Variants in APAF1 observed in about 807,000 individuals in gnomAD.
APAF1 encodes apoptotic peptidase activating factor 1, also known as apoptotic protease-activating factor 1.
Under a neutral mutation model 152.4 loss-of-function variants are expected in APAF1, and 91 were observed. The observed-to-expected ratio is 0.60, with a 90% CI of 0.50 to 0.71. The LOEUF (loss-of-function observed/expected upper bound fraction) is 0.71, where lower values mean the gene tolerates loss of function less well. APAF1 is among the 30% of genes least tolerant of loss of function. The pLI is 0.00. For synonymous variants in APAF1, 484 were observed against 494.1 expected, an observed-to-expected ratio of 0.98 and a Z score of 0.27; for missense variants, 1,283 against 1,472.0, an observed-to-expected ratio of 0.87 and a Z score of 2.10.
rs138584854 is a variant in APAF1, at chr12:98,657,428, G to C, written c.527-1732G>C. ...GTGGAATAGGTATTTGCTCCTCAAGGCTTCATCCAGACCATTGCTTACGTC... is the reference window on the plus strand; with the variant it reads ...GTGGAATAGGTATTTGCTCCTCAAGCCTTCATCCAGACCATTGCTTACGTC... On this transcript the variant is annotated intron_variant, in intron 4 of 26. Transcript: ENST00000551964. Among the ~76,000 whole-genome samples the C allele has an allele frequency of 1.3e-3, 203 of 152,282 alleles. 3 individuals are homozygous for C. The highest frequency in any genetic ancestry group is 4.6e-3 in the African/African-American group (193 of 41,554).
intron 21 of APAF1, among the ~76,000 whole-genome samples, 184 bp from the exon 22 acceptor site, chr12:98,715,235 CATATATAT>C (rs61430351): frequency 0.031 from 1,675 of 54,642 alleles, 56 homozygotes; most frequent in Admixed American, 0.11. Flanking sequence ...ACATGGTGTG[CATATATAT>C]ATATATATAT....
At chr12:98,658,862 T>C (rs780035318) in intron 4 of APAF1, among the ~76,000 whole-genome samples, 4 of 152,208 alleles carry the variant, frequency 2.6e-5, no homozygotes, top group Non-Finnish European at 5.9e-5. Flanking sequence ...TTAGAAACTG[T>C]GCTGTGCAGT....
intron 13 of APAF1, among the ~76,000 whole-genome samples, chr12:98,678,214 T>A (rs1271419381): frequency 1.3e-5 from 2 of 152,250 alleles, no homozygotes. Context: ...GCATATTAAA[T>A]GAAATGTTTT....
intron 4 of APAF1, among the ~76,000 whole-genome samples, chr12:98,655,497 C>T (rs943740316): frequency 1.3e-5 from 2 of 152,250 alleles, no homozygotes; most frequent in African/African-American, 4.8e-5. Context: ...GGCGGCTGGC[C>T]GGGCAGAGGG....
chr12:98,656,054 A>G (rs1371085510), intron 4 of APAF1, among the ~76,000 whole-genome samples: 1 of 152,100 alleles, frequency 6.6e-6, no homozygotes, highest in African/African-American at 2.4e-5. Context: ...AAGTGCTGGG[A>G]TTACAGGCAT....
chr12:98,721,968 T>C (rs1164715397), intron 22 of APAF1, among the ~76,000 whole-genome samples: 3 of 152,244 alleles, frequency 2.0e-5, no homozygotes, highest in Non-Finnish European at 4.4e-5. Flanking sequence ...CTTTTTATTC[T>C]TTTGGAGCTG....
At chr12:98,651,886 C>A (rs1047320452) in intron 4 of APAF1, among the ~76,000 whole-genome samples, 2 of 152,142 alleles carry the variant, frequency 1.3e-5, no homozygotes, top group South Asian at 4.1e-4. Context: ...ACAATCTTGG[C>A]TCCCTGCAAC....
At chr12:98,654,849 A>G (rs1031763244) in intron 4 of APAF1, among the ~76,000 whole-genome samples, 1 of 53,620 alleles carries the variant, frequency 1.9e-5, no homozygotes, top group Non-Finnish European at 3.9e-5. Context: ...TTATTTTTTT[A>G]TTGATAATTC....
chr12:98,666,365 C>G lies in APAF1; in HGVS notation c.1362+8C>G, dbSNP rs201963658. ...AATTGCAGCCAGCTTCAGGTACTTGCATCTTGGTTTACTTTTTTTTTTCCT... is the reference window on the plus strand; with the variant it reads ...AATTGCAGCCAGCTTCAGGTACTTGGATCTTGGTTTACTTTTTTTTTTCCT... On this transcript the variant is annotated splice_region_variant and intron_variant, in intron 9 of 26. Transcript: ENST00000551964. 5 of 1,607,210 alleles carry G rather than the reference C, an allele frequency of 3.1e-6. No homozygotes were observed. The highest frequency in any genetic ancestry group is 4.2e-6 in the Non-Finnish European group (5 of 1,177,840).
intron 25 of APAF1, 148 bp downstream of exon 25, chr12:98,725,688 G>A: frequency 9.3e-7 from 1 of 1,077,382 alleles, no homozygotes; most frequent in Non-Finnish European, 1.4e-6. Flanking sequence ...TGTGCACATT[G>A]TATTCACAGC....
At chr12:98,658,794 C>A (rs1056335607) in intron 4 of APAF1, among the ~76,000 whole-genome samples, 3 of 152,158 alleles carry the variant, frequency 2.0e-5, no homozygotes, top group African/African-American at 7.2e-5. Flanking sequence ...TCCTATAATG[C>A]ATAGGACAGT....
At chr12:98,662,434 T>A (rs2097666740) in intron 5 of APAF1, 22 bp from the exon 6 acceptor site, 1 of 1,519,336 alleles carries the variant, frequency 6.6e-7, no homozygotes, top group Non-Finnish European at 9.1e-7. Context: ...CATTAGTGAT[T>A]AATATTTTTT....
intron 22 of APAF1, among the ~76,000 whole-genome samples, chr12:98,722,436 ATAAGT>A (rs1387453447): frequency 6.6e-5 from 10 of 152,212 alleles, no homozygotes; most frequent in Non-Finnish European, 8.8e-5. Context: ...CATTTATTAA[ATAAGT>A]TAATTTGAAG....
At chr12:98,693,288 C>G (rs894733630) in intron 16 of APAF1, among the ~76,000 whole-genome samples, 10 of 151,464 alleles carry the variant, frequency 6.6e-5, no homozygotes, top group African/African-American at 9.7e-5. Flanking sequence ...GAAAAAAGGT[C>G]TTACTACGTT....
chr12:98,668,778 A>G (rs1433707468), intron 10 of APAF1, among the ~76,000 whole-genome samples: 2 of 152,120 alleles, frequency 1.3e-5, no homozygotes, highest in Non-Finnish European at 2.9e-5. Flanking sequence ...ATGGTTAAGA[A>G]CTCATTTTGG....
At chr12:98,713,306 A>G (rs933760194) in intron 21 of APAF1, among the ~76,000 whole-genome samples, 6 of 152,182 alleles carry the variant, frequency 3.9e-5, no homozygotes, top group African/African-American at 1.4e-4. Context: ...ACATATATCA[A>G]ATACTATCTA....
intron 12 of APAF1, among the ~76,000 whole-genome samples, chr12:98,674,973 T>G (rs902148336): frequency 6.6e-6 from 1 of 152,206 alleles, no homozygotes; most frequent in Non-Finnish European, 1.5e-5. Flanking sequence ...ATACTTGGTC[T>G]GATCAAAGGG....
intron 7 of APAF1, among the ~76,000 whole-genome samples, chr12:98,663,700 C>T (rs1463915133): frequency 6.6e-6 from 1 of 152,010 alleles, no homozygotes; most frequent in Non-Finnish European, 1.5e-5. Context: ...ACTCTGTCGT[C>T]CAGGCTGGAG....
rs2097764393 is a variant in APAF1, at chr12:98,732,941, T to G, written c.*375T>G. 4.1e-6 allele frequency: 1 copy of G among 246,828 alleles called. No homozygotes were observed. The highest frequency in any genetic ancestry group is 7.9e-6 in the Non-Finnish European group (1 of 127,194). 15.3% of individuals were successfully genotyped at this position (246,828 alleles called of 1,614,324 possible). A position where few individuals can be genotyped will look rare whatever the true frequency, so the allele number is the denominator to read the frequency against. ...CTGTATTTATTACTGTTATGCAGGCTGTGCCTCAGGGTAGCAGTGGCCTGC... is the reference window on the plus strand; with the variant it reads ...CTGTATTTATTACTGTTATGCAGGCGGTGCCTCAGGGTAGCAGTGGCCTGC... On this transcript the variant is annotated 3_prime_UTR_variant, in exon 27 of 27. Coordinates refer to ENST00000551964, the MANE Select transcript of APAF1 (RefSeq NM_181861.2).
Sources: gnomAD v4.1 joint callset for allele counts (sites outside exome capture counted in the v4.1 genomes callset) on GRCh38, gnomAD v4.1.1 for gene constraint, MANE v1.5 for transcripts, NCBI Gene and HGNC (gene_info 2026-07-23, HGNC 2026-07-21) for gene names.